The following REEP1 variants were observed in gnomAD, a reference collection of about 807,000 sequenced individuals.
REEP1 encodes receptor accessory protein 1.
A neutral mutation model predicts 40.3 loss-of-function variants in REEP1; 22 were observed. That is an observed-to-expected ratio of 0.55 (90% CI 0.39 to 0.78). The LOEUF (loss-of-function observed/expected upper bound fraction) is 0.78, where lower values mean the gene tolerates loss of function less well. Ranked by LOEUF, REEP1 falls within the 30% of genes least tolerant of loss-of-function variation. The pLI is 0.00. For missense variants in REEP1, 280 were observed against 361.1 expected, an observed-to-expected ratio of 0.78 and a Z score of 1.82; for synonymous variants, 116 against 139.2, an observed-to-expected ratio of 0.83 and a Z score of 1.17.
chr2:86,301,786 G>A (rs193083424), intron 1 of REEP1, among the ~76,000 whole-genome samples: 3 of 152,300 alleles, frequency 2.0e-5, no homozygotes, highest in Admixed American at 2.0e-4. Context: ...AAAAATAAGC[G>A]AGAGTATACT....
At chr2:86,272,584 C>T (rs1182813406) in intron 2 of REEP1, among the ~76,000 whole-genome samples, 1 of 152,206 alleles carries the variant, frequency 6.6e-6, no homozygotes, top group Non-Finnish European at 1.5e-5. Flanking sequence ...CTGCTTCTAA[C>T]TCTAGACTAG....
At chr2:86,335,209 A>G (rs1680954249) in intron 1 of REEP1, among the ~76,000 whole-genome samples, 1 of 152,190 alleles carries the variant, frequency 6.6e-6, no homozygotes. Flanking sequence ...GATGATTTTC[A>G]GTTTATCTTT....
intron 2 of REEP1, among the ~76,000 whole-genome samples, chr2:86,280,779 A>G (rs1371992148): frequency 1.3e-5 from 2 of 151,882 alleles, no homozygotes; most frequent in African/African-American, 2.4e-5. Flanking sequence ...AAAGTGGGAG[A>G]TTGCGGGGTG....
At chr2:86,336,708 C>T (rs893923571) in intron 1 of REEP1, 1 of 152,382 alleles carries the variant, frequency 6.6e-6, no homozygotes, top group African/African-American at 2.4e-5. Context: ...CCAATGACTT[C>T]ACACAGACCT....
rs1674048913 is a variant in REEP1, at chr2:86,215,309, G to A, written c.*1730C>T. On this transcript the variant is annotated 3_prime_UTR_variant, in exon 9 of 9. Transcript: ENST00000538924. ...CAAAATCACCTTCAGAGGAACTATG[G>A]GTAGATGGGATTCCAATATGCATAT... The A allele has an allele frequency of 6.6e-6, 1 of 152,066 alleles. No individual in the cohort carries two copies. Among genetic ancestry groups the A allele is most frequent in the African/African-American group, 2.4e-5 (1 of 41,396 alleles). 9.4% of individuals were successfully genotyped at this position (152,066 alleles called of 1,614,324 possible). A position where few individuals can be genotyped will look rare whatever the true frequency, so the allele number is the denominator to read the frequency against.
At chr2:86,225,280 T>C (rs572616050) in intron 7 of REEP1, among the ~76,000 whole-genome samples, 1 of 152,298 alleles carries the variant, frequency 6.6e-6, no homozygotes, top group South Asian at 2.1e-4. Context: ...CCCAGCTTTT[T>C]TGTTTTTTTA....
At chr2:86,272,652 A>G (rs1479895085) in intron 2 of REEP1, among the ~76,000 whole-genome samples, 2 of 152,126 alleles carry the variant, frequency 1.3e-5, no homozygotes, top group African/African-American at 4.8e-5. Flanking sequence ...CCAATCCCCA[A>G]GTTCTGTCAC....
At chr2:86,284,701 G>C (rs1175016534) in intron 1 of REEP1, among the ~76,000 whole-genome samples, 1 of 152,166 alleles carries the variant, frequency 6.6e-6, no homozygotes, top group Non-Finnish European at 1.5e-5. Context: ...GGAGAGACAG[G>C]TGGGAAGTAC....
At position 86,282,158 on chromosome 2, in the gene REEP1, A is replaced by C. The variant is rs770618109; in HGVS notation, c.105+12T>G. ...CCAGCCAACCCGCTCGAAAATACAC[A>C]GTGCTACTTACATATTCCTTAATGT... On this transcript the variant is annotated intron_variant, in intron 2 of 8. Transcript: ENST00000538924. 1 of 1,589,072 alleles carries C rather than the reference A, an allele frequency of 6.3e-7. No individual in the cohort carries two copies. Among genetic ancestry groups the C allele is most frequent in the South Asian group, 1.1e-5 (1 of 90,528 alleles).
chr2:86,231,240 G>C lies in REEP1; in HGVS notation c.595+1385C>G, dbSNP rs1166522811. Among the ~76,000 whole-genome samples, 6 of 152,120 alleles carry C rather than the reference G, an allele frequency of 3.9e-5. No homozygotes were observed. The East Asian group carries it at 7.7e-4, about 20-fold the overall frequency. ...TTTTGGGATTCCATTCCTGGGGGGGGGTCCCTCGGGGGGTAACCCCTCCCT... is the reference window on the plus strand; with the variant it reads ...TTTTGGGATTCCATTCCTGGGGGGGCGTCCCTCGGGGGGTAACCCCTCCCT... On this transcript the variant is annotated intron_variant, in intron 6 of 8. Coordinates refer to ENST00000538924, the MANE Select transcript of REEP1 (RefSeq NM_001371279.1).
chr2:86,228,797 C>T (rs1406787614), intron 6 of REEP1, among the ~76,000 whole-genome samples: 2 of 152,186 alleles, frequency 1.3e-5, no homozygotes, highest in African/African-American at 4.8e-5. Flanking sequence ...TATTCCCACA[C>T]CCCACTCACA....
At chr2:86,226,984 T>C (rs1211881559) in intron 7 of REEP1, among the ~76,000 whole-genome samples, 2 of 152,124 alleles carry the variant, frequency 1.3e-5, no homozygotes, top group Non-Finnish European at 2.9e-5. Flanking sequence ...AATGGCTCAC[T>C]CTAGGCCAGG....
chr2:86,249,432 C>T (rs956674633), intron 5 of REEP1, among the ~76,000 whole-genome samples: 1 of 152,146 alleles, frequency 6.6e-6, no homozygotes, highest in African/African-American at 2.4e-5. Context: ...AATCTGCATT[C>T]CAGGAATGTT....
intron 5 of REEP1, among the ~76,000 whole-genome samples, chr2:86,238,992 C>G (rs184959522): frequency 1.7e-4 from 26 of 152,074 alleles, no homozygotes; most frequent in African/African-American, 6.3e-4. Context: ...TCGTAAACAA[C>G]CATGCCAGTA....
At chr2:86,223,801 C>T (rs1338035699) in intron 7 of REEP1, 5 of 151,738 alleles carry the variant, frequency 3.3e-5, no homozygotes, top group African/African-American at 1.2e-4. Flanking sequence ...AAAATTATGT[C>T]CTACATGCTT....
At chr2:86,263,376 T>C (rs1386299969) in intron 3 of REEP1, among the ~76,000 whole-genome samples, 2 of 152,060 alleles carry the variant, frequency 1.3e-5, no homozygotes, top group African/African-American at 4.8e-5. Flanking sequence ...ACTACAGGTG[T>C]GCACCACCAT....
intron 7 of REEP1, among the ~76,000 whole-genome samples, chr2:86,225,758 C>T (rs570405952): frequency 2.0e-5 from 3 of 152,218 alleles, no homozygotes; most frequent in South Asian, 2.1e-4. Flanking sequence ...AGGCACCTTG[C>T]GTGCCTTCCT....
chr2:86,224,972 G>T (rs1358885643), intron 7 of REEP1, among the ~76,000 whole-genome samples: 1 of 152,192 alleles, frequency 6.6e-6, no homozygotes, highest in African/African-American at 2.4e-5. Flanking sequence ...GAGGCTTTTG[G>T]AATGGCTCAC....
intron 5 of REEP1, among the ~76,000 whole-genome samples, chr2:86,238,045 G>C (rs536084767): frequency 6.6e-6 from 1 of 152,254 alleles, no homozygotes; most frequent in Non-Finnish European, 1.5e-5. Context: ...GCCAGGCATG[G>C]TGGTGCATGC....
Sources: gnomAD v4.1 joint callset for allele counts (sites outside exome capture counted in the v4.1 genomes callset) on GRCh38, gnomAD v4.1.1 for gene constraint, MANE v1.5 for transcripts, NCBI Gene and HGNC (gene_info 2026-07-23, HGNC 2026-07-21) for gene names.